Variants in HSPG2 observed in about 807,000 individuals in gnomAD.
The protein encoded by HSPG2 is heparan sulfate proteoglycan 2, also known as basement membrane-specific heparan sulfate proteoglycan core protein.
A neutral mutation model predicts 526.6 loss-of-function variants in HSPG2; 278 were observed. The observed-to-expected ratio is 0.53, with a 90% confidence interval of 0.48 to 0.58. HSPG2 has a LOEUF of 0.58. Ranked by LOEUF, HSPG2 falls within the 20% of genes least tolerant of loss-of-function variation. The pLI, the probability that HSPG2 is intolerant of heterozygous loss-of-function variation, is 0.00. For synonymous variants in HSPG2, 2,465 were observed against 2,555.4 expected (o/e 0.96, Z 1.07); for missense variants, 5,354 against 6,099.5 (o/e 0.88, Z 4.07).
At chr1:21,850,592 C>A in intron 55 of HSPG2, 94 bp from the exon 56 acceptor site, 1 of 1,381,634 alleles carries the variant, frequency 7.2e-7, no homozygotes, top group East Asian at 2.5e-5. Flanking sequence ...CAAGGCCTGG[C>A]CATCAGCTCT....
chr1:21,848,240 G>T lies in HSPG2; in HGVS notation c.7738-147C>A. The T allele has an allele frequency of 1.0e-6, 1 of 987,790 alleles. No homozygotes were observed. The highest frequency in any genetic ancestry group is 1.5e-6 in the Non-Finnish European group (1 of 652,698). The allele number at this position is 987,790 out of a possible 1,614,324, so 61.2% of individuals were successfully genotyped here. ...TCGTGAAGCTCCCAGCATGGCATGTGGCCTGTCTCTGGGCTGGGGTGGACG... is the reference window on the plus strand; with the variant it reads ...TCGTGAAGCTCCCAGCATGGCATGTTGCCTGTCTCTGGGCTGGGGTGGACG... On this transcript the variant is annotated intron_variant, in intron 59 of 96. Coordinates refer to ENST00000374695, the MANE Select transcript of HSPG2 (RefSeq NM_005529.7). This position sits in a 1 kb window ranked among gnomAD's most constrained non-coding sequence, Gnocchi z 4.9.
At chr1:21,837,857 C>T (rs976107291) in intron 74 of HSPG2, among the ~76,000 whole-genome samples, 2 of 151,944 alleles carry the variant, frequency 1.3e-5, no homozygotes, top group Admixed American at 1.3e-4. Context: ...AGGCTCAGGA[C>T]GAGTGCAGTG....
In HSPG2 at chr1:21,846,504, C is replaced by T. The variant is rs750744199; in HGVS notation, c.8260G>A (p.Ala2754Thr). The change falls in exon 63 of 97, where the codon GCC becomes ACC. Residue 2754 changes from alanine (A) to threonine (T), a missense_variant. Transcript: ENST00000374695. ...LDLNCVVPGQAHAQVTWHKRG... is the reference protein window; with the variant it reads ...LDLNCVVPGQTHAQVTWHKRG... The stretch of plus-strand genomic sequence containing the variant: ...TTGTGCCAAGTGACCTGGGCATGGG[C>T]CTGCCCGGGGACCACGCAGTTCAGA... 3 of 1,613,638 alleles carry T rather than the reference C, an allele frequency of 1.9e-6. No individual in the cohort carries two copies. The African/African-American group carries it at 4.0e-5, about 22-fold the overall frequency.
In HSPG2 at chr1:21,828,336, G is replaced by A. The variant is rs766333633; in HGVS notation, c.12328C>T (p.Arg4110Cys). 21 of 1,613,630 alleles carry A rather than the reference G, an allele frequency of 1.3e-5. No homozygotes were observed. The highest frequency in any genetic ancestry group is 1.1e-4 in the South Asian group (10 of 91,090). Reference protein sequence around the residue: ...GQCYDSSPCERQPCQHGATCM... With the variant: ...GQCYDSSPCECQPCQHGATCM... The stretch of plus-strand genomic sequence containing the variant: ...GTGGCACCATGTTGGCAAGGCTGGC[G>A]CTCACATGGGGAGCTATCATAGCAT... The change falls in exon 89 of 97, where the codon CGC becomes TGC. Residue 4110 changes from arginine to cysteine, a missense_variant. Physicochemically the swap from Arg to Cys is radical, Grantham distance 180. Coordinates refer to ENST00000374695, the MANE Select transcript of HSPG2 (RefSeq NM_005529.7). The surrounding 1 kb of genome is among the most constrained non-coding windows in gnomAD (Gnocchi z 6.0).
rs989612934 is a variant in HSPG2 at position 21,848,338 on chromosome 1, C to T, written c.7738-245G>A. On this transcript the variant is annotated intron_variant, in intron 59 of 96. Transcript: ENST00000374695. This position sits in a 1 kb window ranked among gnomAD's most constrained non-coding sequence, Gnocchi z 4.9. ...GTGTTGACACAGTATCCTGCTGGGG[C>T]TCCCACAGCCTGCGAGCTGCCTGAG... Among the ~76,000 whole-genome samples the T allele has an allele frequency of 3.3e-5, 5 of 152,292 alleles. No homozygotes were observed. The highest frequency in any genetic ancestry group is 7.2e-5 in the African/African-American group (3 of 41,552).
chr1:21,851,548 G>C lies in HSPG2; in HGVS notation c.7156C>G (p.Gln2386Glu). ...KRGGSLPVRHQTHGSLLRLYQ... is the reference protein window; with the variant it reads ...KRGGSLPVRHETHGSLLRLYQ... ...CTGTCTGTCCTCCAGTCCCATACCT[G>C]GTGCCGGACAGGGAGGCTGCCCCCA... The change falls in exon 55 of 97, where the codon CAG (glutamine) becomes GAG (glutamate). Residue 2386 changes from glutamine to glutamate, a missense_variant and splice_region_variant. Coordinates refer to ENST00000374695, the MANE Select transcript of HSPG2 (RefSeq NM_005529.7). The C allele has an allele frequency of 6.2e-7, 1 of 1,613,874 alleles. No individual in the cohort carries two copies. The highest frequency in any genetic ancestry group is 1.1e-5 in the South Asian group (1 of 91,080).
In HSPG2 at chr1:21,831,031, G is replaced by C. The variant is rs1572154004; in HGVS notation, c.11622C>G (p.Gly3874=). The C allele has an allele frequency of 6.3e-7, 1 of 1,591,858 alleles. No individual in the cohort carries two copies. The highest frequency in any genetic ancestry group is 2.3e-5 in the East Asian group (1 of 44,118). ...SSSYVCVCPA[G]FTGSRCEHSQ... ...AGTGCTCACAGCGGCTCCCGGTGAA[G>C]CCAGCTGGGCAGACGCACACGTAGC... Residue 3874 remains glycine, a synonymous_variant, in exon 85 of 97, where the codon GGC becomes GGG. Coordinates refer to ENST00000374695, the MANE Select transcript of HSPG2 (RefSeq NM_005529.7).
chr1:21,868,240 T>G (rs924700012), intron 33 of HSPG2, among the ~76,000 whole-genome samples: 1 of 151,684 alleles, frequency 6.6e-6, no homozygotes. Flanking sequence ...GGTTTCACCA[T>G]GTTGGCCAGG....
At position 21,898,786 on chromosome 1, in the gene HSPG2, C is replaced by A. The variant is rs1642922156; in HGVS notation, c.64-2476G>T. Among the ~76,000 whole-genome samples the A allele has an allele frequency of 6.6e-6, 1 of 152,194 alleles. No homozygotes were observed. Among genetic ancestry groups the A allele is most frequent in the African/African-American group, 2.4e-5 (1 of 41,446 alleles). On this transcript the variant is annotated intron_variant, in intron 1 of 96. Coordinates refer to ENST00000374695, the MANE Select transcript of HSPG2 (RefSeq NM_005529.7). This position sits in a 1 kb window ranked among gnomAD's most constrained non-coding sequence, Gnocchi z 4.0. ...GGGGGGCTCTGTCAATGCCAATCCC[C>A]CTCTCATTGCAACCAAGGTTATGGA...
At chr1:21,831,182 G>T in intron 84 of HSPG2, 33 bp downstream of exon 84, 1 of 1,603,526 alleles carries the variant, frequency 6.2e-7, no homozygotes, top group South Asian at 1.1e-5. Context: ...TGGAGGCCAC[G>T]GCAGCCAGGT....
Position 21,895,308 on chromosome 1 carries a change from A to G in HSPG2, c.244+614T>C, listed in dbSNP as rs548538937. ...CCCAGAGTGGAAGGAAGCAGGGACT[A>G]TAAGTCCCCATCCCAGTGCTGGGCC... On this transcript the variant is annotated intron_variant, in intron 3 of 96. Coordinates refer to ENST00000374695, the MANE Select transcript of HSPG2 (RefSeq NM_005529.7). The surrounding 1 kb of genome is among the most constrained non-coding windows in gnomAD (Gnocchi z 4.1). 3.3e-4 allele frequency among the ~76,000 whole-genome samples: 51 copies of G among 152,314 alleles called. 2 individuals are homozygous for G. The Middle Eastern group carries it at 0.014, about 41-fold the overall frequency.
At chr1:21,877,227 A>G (rs1053779719) in intron 21 of HSPG2, among the ~76,000 whole-genome samples, 6 of 152,094 alleles carry the variant, frequency 3.9e-5, no homozygotes, top group Non-Finnish European at 8.8e-5. Context: ...AAATACAGCG[A>G]CTTGATTGAA....
At chr1:21,920,837 T>C (rs1214050351) in intron 1 of HSPG2, among the ~76,000 whole-genome samples, 1 of 152,070 alleles carries the variant, frequency 6.6e-6, no homozygotes, top group East Asian at 1.9e-4. Flanking sequence ...AGGTCTGAGG[T>C]GGGCCTAGCG....
In HSPG2 at chr1:21,837,010, C is replaced by T. The variant is rs763324083; in HGVS notation, c.10151-4G>A. ...GCAGGGAGAGAGCCGGGAGGGCCTG[C>T]GGGGACATGTATGAGGTTCTGCAGG... On this transcript the variant is annotated splice_polypyrimidine_tract_variant and splice_region_variant and intron_variant, in intron 74 of 96. Transcript: ENST00000374695. 1.1e-5 allele frequency: 17 copies of T among 1,547,122 alleles called. No homozygotes were observed. The highest frequency in any genetic ancestry group is 5.5e-5 in the African/African-American group (4 of 73,054).
In HSPG2 at chr1:21,857,097, C is replaced by G; in HGVS notation, c.5493G>C (p.Gln1831His). The G allele has an allele frequency of 8.1e-6, 13 of 1,614,196 alleles. No individual in the cohort carries two copies. Among genetic ancestry groups the G allele is most frequent in the Non-Finnish European group, 1.1e-5 (13 of 1,180,040 alleles). Residue 1831 changes from glutamine (Q) to histidine (H), a missense_variant, in exon 44 of 97, where the codon CAG becomes CAC. Physicochemically the swap from Gln to His is conservative, Grantham distance 24. Transcript: ENST00000374695. ...ACACGTAGGTGCCTGCATCACTCAG[C>G]TGGACGTTGCGAATGGTCAGGATGC... The part of the protein sequence containing the change: ...FNGILTIRNV[Q>H]LSDAGTYVCT...
intron 26 of HSPG2, 65 bp downstream of exon 26, chr1:21,874,826 A>G: frequency 1.3e-6 from 2 of 1,515,740 alleles, no homozygotes; most frequent in Non-Finnish European, 9.1e-7. Context: ...TGGAGGGCTC[A>G]TGGAGAAGGA....
chr1:21,930,430 GTGACATGAGAGGAAGGAATC>G (rs1406728109), intron 1 of HSPG2, among the ~76,000 whole-genome samples: 1 of 152,172 alleles, frequency 6.6e-6, no homozygotes, highest in Non-Finnish European at 1.5e-5. Context: ...TATAACGCAA[GTGACATGAGAGGAAGGAATC>G]TGACATTTTT....
chr1:21,829,704 TC>T, intron 86 of HSPG2, 100 bp from the exon 87 acceptor site: 1 of 1,069,084 alleles, frequency 9.4e-7, no homozygotes. Context: ...TGCCTCACTC[TC>T]CAGGCCCAGA....
intron 64 of HSPG2, 49 bp from the exon 65 acceptor site, chr1:21,844,348 C>T: frequency 6.3e-7 from 1 of 1,575,114 alleles, no homozygotes; most frequent in South Asian, 1.1e-5. Context: ...CCCTGATGCC[C>T]TCAGCCCTTC....
Sources: gnomAD v4.1 joint callset for allele counts (sites outside exome capture counted in the v4.1 genomes callset) on GRCh38, gnomAD v4.1.1 for gene constraint, Gnocchi (gnomAD v3.1) non-coding constraint, MANE v1.5 for transcripts, NCBI Gene and HGNC (gene_info 2026-07-23, HGNC 2026-07-21) for gene names.